OPCML: variants seen among roughly 807,000 people sequenced by gnomAD.
OPCML encodes the protein opioid-binding protein/cell adhesion molecule.
Under a neutral mutation model 37.8 loss-of-function variants are expected in OPCML, and 13 were observed. The ratio of observed to expected loss-of-function variants is 0.34; its 90% CI spans 0.22 to 0.55. The LOEUF is 0.55. Ranked by LOEUF, OPCML falls within the 20% of genes least tolerant of loss-of-function variation. The pLI, the probability that OPCML is intolerant of heterozygous loss-of-function variation, is 0.91. For synonymous variants in OPCML, 176 were observed against 168.8 expected, an observed-to-expected ratio of 1.04 and a Z score of -0.33; for missense variants, 341 against 435.6, an observed-to-expected ratio of 0.78 and a Z score of 1.93.
chr11:133,146,560 G>T (rs185380697), intron 1 of OPCML, among the ~76,000 whole-genome samples: 1 of 152,040 alleles, frequency 6.6e-6, no homozygotes, highest in South Asian at 2.1e-4. Context: ...TGACTTGCCC[G>T]CCTCGGCCTC....
intron 2 of OPCML, among the ~76,000 whole-genome samples, chr11:132,658,262 G>A (rs954861642): frequency 1.3e-5 from 2 of 152,224 alleles, no homozygotes; most frequent in African/African-American, 4.8e-5. Context: ...AACCACTCTT[G>A]CCAATGTCCT....
intron 4 of OPCML, among the ~76,000 whole-genome samples, chr11:132,496,714 G>A (rs138499216): frequency 1.6e-3 from 244 of 152,338 alleles, no homozygotes; most frequent in Middle Eastern, 0.01. Flanking sequence ...ATAGAACAAA[G>A]TAGAACCAAG....
At chr11:133,265,477 C>T (rs1215016906) in intron 1 of OPCML, among the ~76,000 whole-genome samples, 1 of 152,166 alleles carries the variant, frequency 6.6e-6, no homozygotes, top group East Asian at 1.9e-4. Context: ...CTAGAGAATG[C>T]AACATCAGGA....
At position 133,188,833 on chromosome 11, in the gene OPCML, T is replaced by C. The variant is rs142693507; in HGVS notation, c.62-245823A>G. ...ACGTAGCTAGTATATGTACCCTGAA[T>C]GCAGTCTCTCTGCACCCCACACTTC... On this transcript the variant is annotated intron_variant, in intron 1 of 7. Coordinates refer to ENST00000524381, the MANE Select transcript of OPCML (RefSeq NM_001012393.5). Among the ~76,000 whole-genome samples the C allele has an allele frequency of 1.8e-4, 28 of 152,278 alleles. No individual in the cohort carries two copies. The Middle Eastern group carries it at 0.014, about 74-fold the overall frequency.
At chr11:133,135,897 A>G (rs1326002355) in intron 1 of OPCML, among the ~76,000 whole-genome samples, 1 of 152,238 alleles carries the variant, frequency 6.6e-6, no homozygotes, top group Non-Finnish European at 1.5e-5. Context: ...ACAAGAGGTA[A>G]GCAGAATGTA....
chr11:133,396,926 T>C (rs1306229934), intron 1 of OPCML, among the ~76,000 whole-genome samples: 1 of 152,198 alleles, frequency 6.6e-6, no homozygotes, highest in East Asian at 1.9e-4. Context: ...TCAGCTGTAG[T>C]ATAGAAATAT....
chr11:132,423,288 A>C (rs2095966434), intron 7 of OPCML, among the ~76,000 whole-genome samples: 3 of 152,226 alleles, frequency 2.0e-5, no homozygotes. Context: ...CAAATGCCAT[A>C]GCAATTTACT....
At chr11:132,504,391 C>T (rs908464929) in intron 4 of OPCML, among the ~76,000 whole-genome samples, 3 of 152,178 alleles carry the variant, frequency 2.0e-5, no homozygotes, top group African/African-American at 7.2e-5. Context: ...AAAGTCACCT[C>T]AAAAATTAGT....
intron 1 of OPCML, among the ~76,000 whole-genome samples, chr11:133,093,822 G>C (rs1231352043): frequency 6.6e-6 from 1 of 151,892 alleles, no homozygotes; most frequent in Non-Finnish European, 1.5e-5. Context: ...AGTGGGAAAA[G>C]AAGGCAGCAC....
At chr11:133,259,043 A>C (rs1300310298) in intron 1 of OPCML, among the ~76,000 whole-genome samples, 2 of 152,212 alleles carry the variant, frequency 1.3e-5, no homozygotes, top group African/African-American at 4.8e-5. Context: ...TGGCTCTGAG[A>C]CAGCCTCACC....
At chr11:133,081,294 C>T (rs541221544) in intron 1 of OPCML, among the ~76,000 whole-genome samples, 1 of 152,094 alleles carries the variant, frequency 6.6e-6, no homozygotes, top group African/African-American at 2.4e-5. Context: ...CCGTTGGTAC[C>T]ACCTAGCAGA....
At chr11:133,235,390 A>T (rs762309859) in intron 1 of OPCML, among the ~76,000 whole-genome samples, 13 of 152,222 alleles carry the variant, frequency 8.5e-5, no homozygotes, top group Non-Finnish European at 1.8e-4. Flanking sequence ...CTCTAGTACC[A>T]GATATTTACA....
At chr11:132,980,689 C>T (rs1315217387) in intron 1 of OPCML, among the ~76,000 whole-genome samples, 1 of 152,084 alleles carries the variant, frequency 6.6e-6, no homozygotes, top group Non-Finnish European at 1.5e-5. Context: ...CGGTGGTTTC[C>T]GGGCCATCTC....
intron 3 of OPCML, among the ~76,000 whole-genome samples, chr11:132,568,100 C>A (rs7945386): frequency 6.6e-6 from 1 of 151,604 alleles, no homozygotes; most frequent in Non-Finnish European, 1.5e-5. Flanking sequence ...AAAAAACTTT[C>A]CTATTAAGCA....
intron 1 of OPCML, among the ~76,000 whole-genome samples, chr11:133,254,452 T>C (rs1272561743): frequency 2.0e-5 from 3 of 152,138 alleles, no homozygotes; most frequent in African/African-American, 7.2e-5. Flanking sequence ...CACCAAGGAT[T>C]TTATCCTTTA....
intron 1 of OPCML, chr11:133,361,884 G>C (rs1180089095): frequency 6.6e-6 from 1 of 152,292 alleles, no homozygotes; most frequent in East Asian, 1.9e-4. Context: ...CTCCAGGGAC[G>C]CATGGAGCTC....
intron 1 of OPCML, among the ~76,000 whole-genome samples, chr11:133,388,127 AC>A (rs1945097064): frequency 6.6e-6 from 1 of 152,194 alleles, no homozygotes; most frequent in Admixed American, 6.5e-5. Flanking sequence ...CAGACTCCGC[AC>A]CATGAAGCCA....
intron 2 of OPCML, among the ~76,000 whole-genome samples, chr11:132,692,265 G>T (rs1168820203): frequency 6.6e-6 from 1 of 151,432 alleles, no homozygotes; most frequent in African/African-American, 2.4e-5. Context: ...TGTTCACAAA[G>T]AAAGTGGGAG....
At chr11:132,820,497 GGTGTGTGTGTAT>G (rs1939916944) in intron 2 of OPCML, among the ~76,000 whole-genome samples, 1 of 151,874 alleles carries the variant, frequency 6.6e-6, no homozygotes, top group South Asian at 2.1e-4. Context: ...ATATATATGT[GGTGTGTGTGTAT>G]GTGTGTGTGT....
Sources: gnomAD v4.1 joint callset for allele counts (sites outside exome capture counted in the v4.1 genomes callset) on GRCh38, gnomAD v4.1.1 for gene constraint, MANE v1.5 for transcripts, NCBI Gene and HGNC (gene_info 2026-07-23, HGNC 2026-07-21) for gene names.